The following NR2F2 variants were observed in gnomAD, a reference collection of about 807,000 sequenced individuals.
NR2F2 encodes COUP transcription factor 2.
Under a neutral mutation model 34.8 loss-of-function variants are expected in NR2F2, and 2 were observed. The observed-to-expected ratio is 0.06, with a 90% CI of 0.02 to 0.18. NR2F2 has a LOEUF of 0.18. NR2F2 is among the 10% of genes least tolerant of loss of function. The pLI, the probability that NR2F2 is intolerant of heterozygous loss-of-function variation, is 1.00. For synonymous variants in NR2F2, 274 were observed against 251.8 expected (o/e 1.09, Z -0.84); for missense variants, 300 against 580.1 (o/e 0.52, Z 4.96).
chr15:96,334,734 T>G (rs1224108557), intron 2 of NR2F2, 131 bp downstream of exon 2: 5 of 994,920 alleles, frequency 5.0e-6, no homozygotes, highest in Admixed American at 5.6e-5. Context: ...CAACTTAAAG[T>G]GGGAACTTTT....
At chr15:96,337,294 T>A in intron 2 of NR2F2, 54 bp from the exon 3 acceptor site, 2 of 1,580,538 alleles carry the variant, frequency 1.3e-6, no homozygotes, top group Non-Finnish European at 1.7e-6. Flanking sequence ...CTTCTTCTTC[T>A]TCTTCTTCTT....
intron 2 of NR2F2, 55 bp from the exon 3 acceptor site, chr15:96,337,293 C>CTTCTTCTTCTTT (rs1244539080): frequency 1.3e-6 from 2 of 1,577,056 alleles, no homozygotes; most frequent in East Asian, 4.5e-5. Flanking sequence ...TCTTCTTCTT[C>CTTCTTCTTCTTT]TTCTTCTTCT....
upstream of NR2F2, among the ~76,000 whole-genome samples, chr15:96,329,774 G>C (rs1899081018): frequency 6.6e-6 from 1 of 152,102 alleles, no homozygotes; most frequent in Admixed American, 6.6e-5. Flanking sequence ...GTTGGCTGGA[G>C]AGTTAGCTAA....
intron 1 of NR2F2, chr15:96,333,845 G>C: frequency 7.0e-7 from 1 of 1,419,466 alleles, no homozygotes; most frequent in East Asian, 2.5e-5. Context: ...CCAGCCCCGA[G>C]CGGGCCTCGG....
rs894666971 is a variant in NR2F2 at position 96,330,766 on chromosome 15, A to T, written c.-1340A>T. On this transcript the variant is annotated 5_prime_UTR_variant, in exon 1 of 3. Transcript: ENST00000394166. ...TCCCTCCCGCGCCCCCCTTTTTAGCATATTTGATCACTTTGATTCTCTGTT... is the reference window on the plus strand; with the variant it reads ...TCCCTCCCGCGCCCCCCTTTTTAGCTTATTTGATCACTTTGATTCTCTGTT... 1 of 853,122 alleles carries T rather than the reference A, an allele frequency of 1.2e-6. No individual in the cohort carries two copies. Among genetic ancestry groups the T allele is most frequent in the African/African-American group, 1.8e-5 (1 of 55,126 alleles). The allele number at this position is 853,122 out of a possible 1,614,324, so 52.8% of individuals were successfully genotyped here.
rs201504055 is a variant in NR2F2, at chr15:96,334,617, C to G, written c.970+14C>G. 6.4e-7 allele frequency: 1 copy of G among 1,574,780 alleles called. No individual in the cohort carries two copies. Among genetic ancestry groups the G allele is most frequent in the Non-Finnish European group, 8.6e-7 (1 of 1,156,866 alleles). On this transcript the variant is annotated intron_variant, in intron 2 of 2. Coordinates refer to ENST00000394166, the MANE Select transcript of NR2F2 (RefSeq NM_021005.4). ...TGTTCACCTCAGGTAGGAAGGAGCC[C>G]TGTCTTCTCGTGCCCACGGGCTCCT...
intron 2 of NR2F2, 125 bp from the exon 3 acceptor site, chr15:96,337,222 CA>C (rs1899353161): frequency 9.2e-7 from 1 of 1,091,190 alleles, no homozygotes; most frequent in Non-Finnish European, 1.3e-6. Context: ...GGCAGTTTGA[CA>C]GAGCTCTGTG....
rs767004289 is a variant in NR2F2, at chr15:96,337,385, C to T, written c.1008C>T (p.Ser336=). 2 of 1,614,052 alleles carry T rather than the reference C, an allele frequency of 1.2e-6. No individual in the cohort carries two copies. Among genetic ancestry groups the T allele is most frequent in the Non-Finnish European group, 1.7e-6 (2 of 1,180,024 alleles). The change falls in exon 3 of 3, where the codon AGC becomes AGT. Residue 336 remains serine, a synonymous_variant. Transcript: ENST00000394166. ...CGLSDVAHVE[S]LQEKSQCALE... is the part of the protein sequence containing the mutation. Reference sequence around the variant, plus strand: ...TCTCTGATGTAGCCCATGTGGAAAGCTTGCAGGAAAAGTCTCAGTGTGCTT... The same window carrying T: ...TCTCTGATGTAGCCCATGTGGAAAGTTTGCAGGAAAAGTCTCAGTGTGCTT...
upstream of NR2F2, among the ~76,000 whole-genome samples, chr15:96,328,253 T>C (rs993512801): frequency 2.0e-5 from 3 of 152,194 alleles, no homozygotes; most frequent in Non-Finnish European, 1.5e-5. Context: ...TTTGTTAAGA[T>C]ATGGTTGGGA....
Position 96,331,677 on chromosome 15 carries a change from A to T in NR2F2, c.-429A>T. 9.1e-7 allele frequency: 1 copy of T among 1,095,670 alleles called. No individual in the cohort carries two copies. The highest frequency in any genetic ancestry group is 1.2e-6 in the Non-Finnish European group (1 of 868,184). The allele number at this position is 1,095,670 out of a possible 1,614,324, so 67.9% of individuals were successfully genotyped here. A position where few individuals can be genotyped will look rare whatever the true frequency, so the allele number is the denominator to read the frequency against. ...GGGAGGGAGAGAGTGAGAGCGAGCG[A>T]GATCTTTGGAGAGATTTTTTTTTTT... On this transcript the variant is annotated 5_prime_UTR_variant, in exon 1 of 3. Coordinates refer to ENST00000394166, the MANE Select transcript of NR2F2 (RefSeq NM_021005.4).
chr15:96,327,262 G>C (rs1349938303), upstream of NR2F2: 1 of 151,984 alleles, frequency 6.6e-6, no homozygotes, highest in African/African-American at 2.4e-5. Context: ...AACCAAGCCA[G>C]AGCCAATTAA....
At position 96,332,098 on chromosome 15, in the gene NR2F2, C is replaced by G; in HGVS notation, c.-8C>G. 7.6e-7 allele frequency: 1 copy of G among 1,318,054 alleles called. No individual in the cohort carries two copies. Among genetic ancestry groups the G allele is most frequent in the Non-Finnish European group, 9.7e-7 (1 of 1,033,626 alleles). 81.6% of individuals were successfully genotyped at this position (1,318,054 alleles called of 1,614,324 possible). On this transcript the variant is annotated 5_prime_UTR_variant, in exon 1 of 3. Transcript: ENST00000394166. The stretch of plus-strand genomic sequence containing the variant: ...GGAGCAGGAAGTCCGGACGCAGCCC[C>G]CATAGATATGGCAATGGTAGTCAGC...
chr15:96,333,760 C>T (rs1899231096), intron 1 of NR2F2: 1 of 1,340,862 alleles, frequency 7.5e-7, no homozygotes, highest in Non-Finnish European at 9.5e-7. Context: ...AAGAAAGATG[C>T]CCTCAGAATG....
Position 96,332,061 on chromosome 15 carries a change from C to T in NR2F2, c.-45C>T. On this transcript the variant is annotated 5_prime_UTR_variant, in exon 1 of 3. Transcript: ENST00000394166. ...GGGAGCCGCCGCCGCCCCGCCGCCG[C>T]CCGCAGCCAGGGGAGCAGGAAGTCC... The T allele has an allele frequency of 7.9e-7, 1 of 1,266,180 alleles. No homozygotes were observed. The allele number at this position is 1,266,180 out of a possible 1,614,324, so 78.4% of individuals were successfully genotyped here.
rs750261994 is a variant in NR2F2 at position 96,340,082 on chromosome 15, GGTT to G, written c.*2468_*2470del. 1.9e-4 allele frequency: 29 copies of G among 152,184 alleles called. No individual in the cohort carries two copies. The highest frequency in any genetic ancestry group is 2.2e-4 in the African/African-American group (9 of 41,482). 9.4% of individuals were successfully genotyped at this position (152,184 alleles called of 1,614,324 possible). A position where few individuals can be genotyped will look rare whatever the true frequency, so the allele number is the denominator to read the frequency against. Reference sequence around the variant, plus strand: ...CTGACCTTTAGTTCGAGGTTTTGTCGGTTGTTGTTGATTTTCTTCCTCTTGCAA... The same window carrying G: ...CTGACCTTTAGTTCGAGGTTTTGTCGGTTGTTGATTTTCTTCCTCTTGCAA... On this transcript the variant is annotated 3_prime_UTR_variant, in exon 3 of 3. Transcript: ENST00000394166.
chr15:96,332,690 G>A (rs1342643007), intron 1 of NR2F2, 143 bp downstream of exon 1: 4 of 1,438,992 alleles, frequency 2.8e-6, no homozygotes, highest in African/African-American at 1.4e-5. Context: ...CTAGAAGCGA[G>A]TTCTGCATTG....
chr15:96,334,194 C>T lies in NR2F2; in HGVS notation c.561C>T (p.Arg187=), dbSNP rs1289569374. ...YLSGYISLLL[R]AEPYPTSRFG... is the part of the protein sequence containing the mutation. ...CCGGATATATTTCCCTGCTGTTGCGCGCGGAGCCCTATCCCACGTCGCGCT... is the reference window on the plus strand; with the variant it reads ...CCGGATATATTTCCCTGCTGTTGCGTGCGGAGCCCTATCCCACGTCGCGCT... Residue 187 remains arginine (R), a synonymous_variant, in exon 2 of 3, where the codon CGC becomes CGT. Coordinates refer to ENST00000394166, the MANE Select transcript of NR2F2 (RefSeq NM_021005.4). 6.2e-7 allele frequency: 1 copy of T among 1,614,110 alleles called. No homozygotes were observed. Among genetic ancestry groups the T allele is most frequent in the African/African-American group, 1.3e-5 (1 of 74,952 alleles).
At chr15:96,330,230 A>G (rs1341104280), upstream of NR2F2, among the ~76,000 whole-genome samples, 3 of 152,118 alleles carry the variant, frequency 2.0e-5, no homozygotes, top group Non-Finnish European at 4.4e-5. Flanking sequence ...GACATCGCCA[A>G]GTTGCGAGAG....
chr15:96,331,138 C>G lies in NR2F2; in HGVS notation c.-968C>G, dbSNP rs1899127504. On this transcript the variant is annotated 5_prime_UTR_variant, in exon 1 of 3. Transcript: ENST00000394166. ...GCGGCGGCGCTAGACGCAGCGGCTC[C>G]GGGCCCGACCCGGCGGCTTCGGCGG... 9.1e-7 allele frequency: 1 copy of G among 1,104,090 alleles called. No homozygotes were observed. The allele number at this position is 1,104,090 out of a possible 1,614,324, so 68.4% of individuals were successfully genotyped here. A position where few individuals can be genotyped will look rare whatever the true frequency, so the allele number is the denominator to read the frequency against.
Sources: gnomAD v4.1 joint callset for allele counts (sites outside exome capture counted in the v4.1 genomes callset) on GRCh38, gnomAD v4.1.1 for gene constraint, MANE v1.5 for transcripts, NCBI Gene and HGNC (gene_info 2026-07-23, HGNC 2026-07-21) for gene names.